The following NEK5 variants were observed in gnomAD, a reference collection of about 807,000 sequenced individuals.
NEK5 encodes serine/threonine-protein kinase Nek5.
NEK5 carries 88 observed loss-of-function variants against 109.2 expected under a neutral mutation model. The ratio of observed to expected loss-of-function variants is 0.81; its 90% CI spans 0.68 to 0.96. The LOEUF is 0.96. NEK5 is among the 40% of genes least tolerant of loss of function. The pLI is 0.00. For synonymous variants in NEK5, 283 were observed against 299.9 expected (o/e 0.94, Z 0.58); for missense variants, 834 against 920.7 (o/e 0.91, Z 1.22).
Position 52,114,758 on chromosome 13 carries a change from G to A in NEK5, c.215-2393C>T, listed in dbSNP as rs182824900. 7.2e-5 allele frequency among the ~76,000 whole-genome samples: 11 copies of A among 152,266 alleles called. No homozygotes were observed. In the East Asian group the frequency reaches 2.1e-3, roughly 29 times the overall value. On this transcript the variant is annotated intron_variant, in intron 4 of 23. Transcript: ENST00000684899. ...AAGATGCTTCCCCATATGCCTTAATGTCTAGAGATCGGTTATTTTCAGGAA... is the reference window on the plus strand; with the variant it reads ...AAGATGCTTCCCCATATGCCTTAATATCTAGAGATCGGTTATTTTCAGGAA...
At chr13:52,066,013 G>GA (rs60534347) in intron 20 of NEK5, among the ~76,000 whole-genome samples, 13 of 149,712 alleles carry the variant, frequency 8.7e-5, no homozygotes, top group African/African-American at 2.5e-4. Context: ...GTAGGTAGAA[G>GA]AAAAAAAAAA....
chr13:52,037,922 C>CA (rs58843405), intron 23 of NEK5, among the ~76,000 whole-genome samples: 6,884 of 141,574 alleles, frequency 0.049, 323 homozygotes, highest in African/African-American at 0.12. Context: ...GACTCCGTCT[C>CA]AAAAAAAAAA....
At chr13:52,092,424 C>CAA (rs34826302) in intron 13 of NEK5, among the ~76,000 whole-genome samples, 23 of 148,688 alleles carry the variant, frequency 1.5e-4, no homozygotes, top group Non-Finnish European at 2.1e-4. Flanking sequence ...ATCTTTCTAA[C>CAA]AAAAAAAAAA....
At chr13:52,116,858 A>G (rs1159254323) in intron 4 of NEK5, among the ~76,000 whole-genome samples, 2 of 152,230 alleles carry the variant, frequency 1.3e-5, no homozygotes, top group Non-Finnish European at 2.9e-5. Flanking sequence ...TGTCTTAGGA[A>G]AATATCACTA....
intron 13 of NEK5, among the ~76,000 whole-genome samples, chr13:52,091,655 C>A (rs1955286466): frequency 6.6e-6 from 1 of 151,668 alleles, no homozygotes; most frequent in Non-Finnish European, 1.5e-5. Context: ...TAACCCTGAA[C>A]AAAAAAAATT....
At chr13:52,120,934 A>C (rs1176000614) in intron 3 of NEK5, among the ~76,000 whole-genome samples, 1 of 151,944 alleles carries the variant, frequency 6.6e-6, no homozygotes, top group African/African-American at 2.4e-5. Context: ...AAAGGAATAA[A>C]AGCTAAAACA....
intron 22 of NEK5, among the ~76,000 whole-genome samples, chr13:52,054,481 T>G (rs1263951247): frequency 2.6e-5 from 4 of 152,034 alleles, no homozygotes; most frequent in Non-Finnish European, 1.5e-5. Context: ...CCTGGCCAGG[T>G]AGAAGTTTTA....
intron 3 of NEK5, 111 bp from the exon 4 acceptor site, chr13:52,119,526 C>T: frequency 1.9e-6 from 1 of 524,210 alleles, no homozygotes; most frequent in South Asian, 3.6e-5. Context: ...CTTTTAATGT[C>T]ACTTTGAAAA....
chr13:52,092,776 C>T (rs187587226), intron 13 of NEK5, among the ~76,000 whole-genome samples: 2 of 152,240 alleles, frequency 1.3e-5, no homozygotes, highest in East Asian at 1.9e-4. Context: ...GTCCCAGCTA[C>T]TGGAGAGGCC....
intron 20 of NEK5, 30 bp from the exon 21 acceptor site, chr13:52,065,639 G>C (rs780795880): frequency 2.0e-6 from 3 of 1,526,384 alleles, no homozygotes; most frequent in Non-Finnish European, 2.7e-6. Context: ...TCATTAATTC[G>C]AAAGCAGTCA....
At chr13:52,079,632 C>T (rs1291425917) in intron 17 of NEK5, among the ~76,000 whole-genome samples, 4 of 152,298 alleles carry the variant, frequency 2.6e-5, no homozygotes, top group Non-Finnish European at 4.4e-5. Flanking sequence ...AGCGCAGTGG[C>T]GTGATCTCGG....
intron 22 of NEK5, among the ~76,000 whole-genome samples, chr13:52,056,744 C>T (rs9535842): frequency 1.3e-5 from 2 of 150,954 alleles, no homozygotes; most frequent in African/African-American, 2.4e-5. Flanking sequence ...GTTCTTTGAA[C>T]CCAACGAGAA....
chr13:52,049,625 C>CCACA (rs1954487013), intron 23 of NEK5, among the ~76,000 whole-genome samples: 1 of 151,498 alleles, frequency 6.6e-6, no homozygotes, highest in South Asian at 2.1e-4. Context: ...TTGTCTTGGG[C>CCACA]CACACATAAA....
intron 23 of NEK5, among the ~76,000 whole-genome samples, chr13:52,047,970 C>T (rs967392018): frequency 6.6e-6 from 1 of 152,046 alleles, no homozygotes; most frequent in Non-Finnish European, 1.5e-5. Context: ...AGCAGTAGTT[C>T]TATACATTCC....
Position 52,080,495 on chromosome 13 carries a change from G to T in NEK5, c.1572+2765C>A, listed in dbSNP as rs538771614. On this transcript the variant is annotated intron_variant, in intron 17 of 23. Coordinates refer to ENST00000684899, the MANE Select transcript of NEK5 (RefSeq NM_001365552.1). ...GATTGAGAAATCGGATGGTTGCCGT[G>T]TCTGTGTAGAAAGAGGTAGACATGG... 5.3e-5 allele frequency among the ~76,000 whole-genome samples: 8 copies of T among 152,350 alleles called. No homozygotes were observed. The South Asian group carries it at 1.2e-3, about 24-fold the overall frequency.
chr13:52,110,469 C>T (rs746159960), intron 6 of NEK5, 25 bp downstream of exon 6: 5 of 1,597,346 alleles, frequency 3.1e-6, no homozygotes, highest in Non-Finnish European at 4.3e-6. Flanking sequence ...TCAGTTCTGT[C>T]TTAGTCTTCT....
chr13:52,105,303 TA>T (rs2138030717), intron 8 of NEK5, among the ~76,000 whole-genome samples: 1 of 151,776 alleles, frequency 6.6e-6, no homozygotes, highest in Admixed American at 6.6e-5. Context: ...GATAGACTCA[TA>T]CTAAAAGTTT....
chr13:52,099,945 A>T, intron 11 of NEK5, 69 bp from the exon 12 acceptor site: 3 of 1,212,644 alleles, frequency 2.5e-6, no homozygotes, highest in Non-Finnish European at 3.6e-6. Context: ...GATACTTGTA[A>T]GAGTATAAAC....
chr13:52,034,881 CTTTTTTTTTTT>C lies in NEK5; in HGVS notation c.*2056_*2066del. On this transcript the variant is annotated 3_prime_UTR_variant, in exon 24 of 24. Transcript: ENST00000684899. The stretch of plus-strand genomic sequence containing the variant: ...ACCATCCTTAAACATTCTTTTTTTT[CTTTTTTTTTTT>C]TTTTTTTGCCCTTAATTGACTTGAT... 9.8e-6 allele frequency: 1 copy of C among 102,534 alleles called. No individual in the cohort carries two copies. The highest frequency in any genetic ancestry group is 2.9e-4 in the East Asian group (1 of 3,458). The allele number at this position is 102,534 out of a possible 1,614,324, so 6.4% of individuals were successfully genotyped here.
Sources: gnomAD v4.1 joint callset for allele counts (sites outside exome capture counted in the v4.1 genomes callset) on GRCh38, gnomAD v4.1.1 for gene constraint, MANE v1.5 for transcripts, NCBI Gene and HGNC (gene_info 2026-07-23, HGNC 2026-07-21) for gene names.